The following RIMBP2 variants were observed in gnomAD, a reference collection of about 807,000 sequenced individuals.
RIMBP2 encodes RIMS-binding protein 2.
Under a neutral mutation model 118.6 loss-of-function variants are expected in RIMBP2, and 48 were observed. That is an observed-to-expected ratio of 0.40 (90% confidence interval 0.32 to 0.51). The LOEUF (loss-of-function observed/expected upper bound fraction) is 0.51, where lower values mean the gene tolerates loss of function less well. Ranked by LOEUF, RIMBP2 falls within the 20% of genes least tolerant of loss-of-function variation. The pLI, the probability that RIMBP2 is intolerant of heterozygous loss-of-function variation, is 0.41. For synonymous variants in RIMBP2, 762 were observed against 742.9 expected, an observed-to-expected ratio of 1.03 and a Z score of -0.42; for missense variants, 1,551 against 1,768.3, an observed-to-expected ratio of 0.88 and a Z score of 2.20.
intron 4 of RIMBP2, among the ~76,000 whole-genome samples, chr12:130,497,530 G>A: frequency 6.6e-6 from 1 of 152,202 alleles, no homozygotes. Flanking sequence ...GAAGGGGCTG[G>A]AGAGATGCGT....
intron 2 of RIMBP2, among the ~76,000 whole-genome samples, chr12:130,619,717 T>C (rs2061180970): frequency 6.6e-6 from 1 of 152,182 alleles, no homozygotes; most frequent in African/African-American, 2.4e-5. Context: ...GCTCTAGCTG[T>C]GCTCACGGTC....
chr12:130,539,015 A>ACC (rs2054325047), intron 2 of RIMBP2, among the ~76,000 whole-genome samples: 1 of 152,144 alleles, frequency 6.6e-6, no homozygotes, highest in Non-Finnish European at 1.5e-5. Context: ...GCTGTCGATG[A>ACC]TCTTCAGTGG....
chr12:130,476,360 C>T (rs12300174), intron 5 of RIMBP2, among the ~76,000 whole-genome samples: 94,492 of 151,978 alleles, frequency 0.62, 29,651 homozygotes, highest in Middle Eastern at 0.79. Flanking sequence ...ATCAGAATCA[C>T]CTTTGGGCCT....
rs144443153 is a variant in RIMBP2, at chr12:130,510,144, A to C, written c.-126-3374T>G. On this transcript the variant is annotated intron_variant, in intron 3 of 22. Transcript: ENST00000690449. Reference sequence around the variant, plus strand: ...CCGTTCCAGTGTGAACCTGGAAAGAAATCACCGGGCACCGGAACGCATTCT... The same window carrying C: ...CCGTTCCAGTGTGAACCTGGAAAGACATCACCGGGCACCGGAACGCATTCT... Among the ~76,000 whole-genome samples the C allele has an allele frequency of 1.2e-3, 186 of 152,342 alleles. 1 individual carries two copies. The highest frequency in any genetic ancestry group is 4.3e-3 in the African/African-American group (179 of 41,592).
intron 3 of RIMBP2, among the ~76,000 whole-genome samples, chr12:130,509,619 C>CT (rs1335753592): frequency 6.6e-6 from 1 of 152,174 alleles, no homozygotes; most frequent in Non-Finnish European, 1.5e-5. Context: ...CAGGGAGGGC[C>CT]TCTCCCACAC....
At chr12:130,558,091 G>C (rs1390412149) in intron 2 of RIMBP2, among the ~76,000 whole-genome samples, 3 of 152,200 alleles carry the variant, frequency 2.0e-5, no homozygotes, top group African/African-American at 7.2e-5. Context: ...ATTATGAGCT[G>C]TAATGATTAC....
intron 22 of RIMBP2, chr12:130,398,204 A>AG (rs2074214852): frequency 6.6e-6 from 1 of 152,232 alleles, no homozygotes; most frequent in Non-Finnish European, 1.5e-5. Flanking sequence ...AGTGCTTCAG[A>AG]GGGGTAGACT....
intron 14 of RIMBP2, chr12:130,429,926 G>A (rs1401389190): frequency 6.6e-5 from 10 of 152,304 alleles, no homozygotes; most frequent in East Asian, 5.8e-4. Context: ...TGGGTCTAAC[G>A]AGGCCCTCCC....
chr12:130,412,905 AC>A, intron 18 of RIMBP2, 118 bp from the exon 19 acceptor site: 2 of 953,644 alleles, frequency 2.1e-6, no homozygotes, highest in Non-Finnish European at 3.0e-6. Context: ...GTTTAAAAAT[AC>A]CATAAATCAC....
At chr12:130,556,167 TTTTG>T (rs1184781000) in intron 2 of RIMBP2, among the ~76,000 whole-genome samples, 1 of 152,144 alleles carries the variant, frequency 6.6e-6, no homozygotes, top group Non-Finnish European at 1.5e-5. Context: ...TGTTGTTCTG[TTTTG>T]TTTATCACTC....
At chr12:130,555,103 A>G (rs900932077) in intron 2 of RIMBP2, among the ~76,000 whole-genome samples, 1 of 152,204 alleles carries the variant, frequency 6.6e-6, no homozygotes, top group Non-Finnish European at 1.5e-5. Context: ...AGACAAGTTA[A>G]AAGACTCACT....
chr12:130,664,753 A>C lies in RIMBP2; in HGVS notation c.-351-36297T>G, dbSNP rs1237956432. On this transcript the variant is annotated intron_variant, in intron 1 of 22. Transcript: ENST00000690449. ...AAGACATGGGAACCAGCTTTGAAGG[A>C]GCTCCCGCTGACCTTTCAATTTCAG... Among the ~76,000 whole-genome samples, 2 of 151,808 alleles carry C rather than the reference A, an allele frequency of 1.3e-5. 1 individual carries two copies. Among genetic ancestry groups the C allele is most frequent in the African/African-American group, 4.9e-5 (2 of 41,070 alleles).
At chr12:130,577,535 A>T (rs1354370650) in intron 2 of RIMBP2, among the ~76,000 whole-genome samples, 3 of 152,076 alleles carry the variant, frequency 2.0e-5, no homozygotes, top group Non-Finnish European at 4.4e-5. Flanking sequence ...GTTTGAAACC[A>T]CCAGAGCTCA....
At chr12:130,540,434 A>C (rs1381127537) in intron 2 of RIMBP2, among the ~76,000 whole-genome samples, 1 of 152,128 alleles carries the variant, frequency 6.6e-6, no homozygotes, top group East Asian at 1.9e-4. Context: ...CTTTGAAAAA[A>C]CTTAGAAAAT....
rs140926651 is a variant in RIMBP2, at chr12:130,422,534, G to A, written c.3157C>T (p.Arg1053Trp). Residue 1053 changes from arginine (R) to tryptophan (W), a missense_variant, in exon 17 of 23, where the codon CGG (arginine) becomes TGG (tryptophan). Physicochemically the swap from Arg to Trp is moderately radical, Grantham distance 101 (BLOSUM62 -3). This residue lies in a region of RIMBP2 where 1,038 missense variants were observed against 1,125.1 expected (regional missense o/e 0.92). Coordinates refer to ENST00000690449, the MANE Select transcript of RIMBP2 (RefSeq NM_001393629.1). The surrounding 1 kb of genome is among the most constrained non-coding windows in gnomAD (Gnocchi z 5.2). ...AACCTCCGGCCCATGTGATCCACCC[G>A]TCCTGCAGAGGCTGGGTTCCCTAAA... ...LILGNPASAG[R>W]VDHMGRRFPR... is the part of the protein sequence containing the mutation. 274 of 1,611,032 alleles carry A rather than the reference G, an allele frequency of 1.7e-4. No individual in the cohort carries two copies. Among genetic ancestry groups the A allele is most frequent in the Admixed American group, 7.4e-4 (44 of 59,762 alleles).
chr12:130,535,738 C>CATATATATATATATACAT (rs2053982654), intron 2 of RIMBP2, among the ~76,000 whole-genome samples: 1 of 66,744 alleles, frequency 1.5e-5, no homozygotes, highest in African/African-American at 4.0e-5. Context: ...CATATATATA[C>CATATATATATATATACAT]ATATATATAT....
At chr12:130,652,192 G>A (rs2136279561) in intron 1 of RIMBP2, among the ~76,000 whole-genome samples, 1 of 152,292 alleles carries the variant, frequency 6.6e-6, no homozygotes, top group Non-Finnish European at 1.5e-5. Flanking sequence ...CAGGACCCAG[G>A]AAACTATGTA....
intron 4 of RIMBP2, among the ~76,000 whole-genome samples, chr12:130,481,209 G>GGTGGGGAGGGCGGGGGCACCC: frequency 6.6e-6 from 1 of 152,226 alleles, no homozygotes; most frequent in East Asian, 1.9e-4. Context: ...GGAGGAGGCA[G>GGTGGGGAGGGCGGGGGCACCC]ACAGGCTGAT....
chr12:130,657,311 G>T (rs2063470819), intron 1 of RIMBP2, among the ~76,000 whole-genome samples: 1 of 152,160 alleles, frequency 6.6e-6, no homozygotes, highest in South Asian at 2.1e-4. Context: ...CACATTCACA[G>T]GTACTGGGAG....
Sources: allele counts gnomAD v4.1 joint callset (sites outside exome capture counted in the v4.1 genomes callset), GRCh38; gene constraint gnomAD v4.1.1; regional missense constraint gnomAD v4.1.1; non-coding constraint Gnocchi (gnomAD v3.1); transcripts MANE v1.5; gene names NCBI Gene and HGNC (gene_info 2026-07-23, HGNC 2026-07-21).